SEPTIN11: variants seen among roughly 807,000 people sequenced by gnomAD.
SEPTIN11 encodes the protein septin 11.
In SEPTIN11, 25 loss-of-function variants were observed where a neutral mutation model predicts 51.4. The observed-to-expected ratio is 0.49, with a 90% CI of 0.35 to 0.68. The LOEUF (loss-of-function observed/expected upper bound fraction) is 0.68. Ranked by LOEUF, SEPTIN11 falls within the 30% of genes least tolerant of loss-of-function variation. SEPTIN11 has a pLI of 0.00. For synonymous variants in SEPTIN11, 174 were observed against 184.1 expected (o/e 0.95, Z 0.44); for missense variants, 381 against 520.8 (o/e 0.73, Z 2.61).
chr4:76,985,729 G>A (rs1186299589), intron 1 of SEPTIN11, among the ~76,000 whole-genome samples: 8 of 152,144 alleles, frequency 5.3e-5, no homozygotes, highest in Non-Finnish European at 8.8e-5. Context: ...GGGTTCTCCC[G>A]CGCCTCACTC....
intron 5 of SEPTIN11, among the ~76,000 whole-genome samples, chr4:77,016,591 T>TTATATATGCTA (rs1725251411): frequency 8.1e-6 from 1 of 122,772 alleles, no homozygotes; most frequent in African/African-American, 3.1e-5. Context: ...AGCATATATA[T>TTATATATGCTA]ACACACACAT....
chr4:76,985,851 C>T (rs1247817207), intron 1 of SEPTIN11, among the ~76,000 whole-genome samples: 3 of 152,122 alleles, frequency 2.0e-5, no homozygotes, highest in African/African-American at 7.2e-5. Context: ...AACAACAAGG[C>T]GCTTACAAAT....
At chr4:76,991,058 G>A (rs1232446675) in intron 1 of SEPTIN11, among the ~76,000 whole-genome samples, 1 of 152,012 alleles carries the variant, frequency 6.6e-6, no homozygotes, top group Non-Finnish European at 1.5e-5. Flanking sequence ...TCATATGTCC[G>A]AGAGCCCTGC....
At chr4:76,963,215 T>C (rs1356373837) in intron 1 of SEPTIN11, among the ~76,000 whole-genome samples, 2 of 152,250 alleles carry the variant, frequency 1.3e-5, no homozygotes, top group Non-Finnish European at 2.9e-5. Context: ...AAATATACTT[T>C]TGGAATGTTT....
At chr4:76,999,437 TACTC>T (rs924570616) in intron 2 of SEPTIN11, among the ~76,000 whole-genome samples, 1 of 152,244 alleles carries the variant, frequency 6.6e-6, no homozygotes, top group African/African-American at 2.4e-5. Flanking sequence ...CCTCCTTACT[TACTC>T]CCTTCCTCTT....
At position 77,035,751 on chromosome 4, in the gene SEPTIN11, A is replaced by C. The variant is rs1726981151; in HGVS notation, c.*1239A>C. 2.0e-6 allele frequency: 2 copies of C among 985,816 alleles called. No homozygotes were observed. The highest frequency in any genetic ancestry group is 2.4e-6 in the Non-Finnish European group (2 of 829,966). 61.1% of individuals were successfully genotyped at this position (985,816 alleles called of 1,614,324 possible). A position where few individuals can be genotyped will look rare whatever the true frequency, so the allele number is the denominator to read the frequency against. On this transcript the variant is annotated 3_prime_UTR_variant, in exon 10 of 10. Coordinates refer to ENST00000264893, the MANE Select transcript of SEPTIN11 (RefSeq NM_018243.4). ...TAAGGCCCTTGCCTCATCAGGGATT[A>C]GAACTGGCCCATATGCCAGAACCTG... is the stretch of plus-strand genomic sequence containing the variant.
intron 1 of SEPTIN11, among the ~76,000 whole-genome samples, chr4:76,976,264 T>G (rs969958943): frequency 6.6e-6 from 1 of 152,194 alleles, no homozygotes; most frequent in Non-Finnish European, 1.5e-5. Context: ...AGGACCAGTT[T>G]TTTAAAATAC....
chr4:77,016,641 TATATATATATATATAC>T lies in SEPTIN11; in HGVS notation c.687+1626_687+1641del, dbSNP rs1327591974. Among the ~76,000 whole-genome samples the T allele has an allele frequency of 2.7e-4, 26 of 97,108 alleles. 1 individual carries two copies. The highest frequency in any genetic ancestry group is 3.7e-4 in the South Asian group (1 of 2,722). The allele number at this position is 97,108 out of a possible 152,430, so 63.7% of individuals were successfully genotyped here. A position where few individuals can be genotyped will look rare whatever the true frequency, so the allele number is the denominator to read the frequency against. On this transcript the variant is annotated intron_variant, in intron 5 of 9. Coordinates refer to ENST00000264893, the MANE Select transcript of SEPTIN11 (RefSeq NM_018243.4). ...ATATATATATATATACACATATATA[TATATATATATATATAC>T]ACATATATATATATATATGGCCAGG...
chr4:76,983,926 GA>G (rs779244290), intron 1 of SEPTIN11, among the ~76,000 whole-genome samples: 1 of 152,162 alleles, frequency 6.6e-6, no homozygotes, highest in Non-Finnish European at 1.5e-5. Context: ...AGAATTGCTT[GA>G]ACCCTGGAGG....
At chr4:77,022,524 C>T (rs1011153842) in intron 7 of SEPTIN11, among the ~76,000 whole-genome samples, 7 of 152,126 alleles carry the variant, frequency 4.6e-5, no homozygotes, top group East Asian at 1.9e-4. Flanking sequence ...CCTTGTCGTC[C>T]GAAAGCAGCC....
intron 1 of SEPTIN11, chr4:76,987,825 C>T (rs981895904): frequency 6.1e-6 from 6 of 981,054 alleles, no homozygotes; most frequent in Admixed American, 6.2e-5. Context: ...GGCGTCTGTA[C>T]TACTGAAATA....
chr4:76,980,531 T>C (rs762002974), intron 1 of SEPTIN11, among the ~76,000 whole-genome samples: 2 of 152,144 alleles, frequency 1.3e-5, no homozygotes, highest in Non-Finnish European at 2.9e-5. Context: ...GCAACCTAAG[T>C]GTGTACATTT....
At chr4:77,012,306 T>A (rs1724931250) in intron 4 of SEPTIN11, among the ~76,000 whole-genome samples, 1 of 152,192 alleles carries the variant, frequency 6.6e-6, no homozygotes, top group South Asian at 2.1e-4. Context: ...TCTGTGATGA[T>A]AATGGTCCAG....
At chr4:76,971,803 C>A (rs1722257889) in intron 1 of SEPTIN11, among the ~76,000 whole-genome samples, 1 of 152,158 alleles carries the variant, frequency 6.6e-6, no homozygotes, top group African/African-American at 2.4e-5. Flanking sequence ...AACTTTGGAG[C>A]TATTCATTGA....
At chr4:77,033,425 T>G (rs541244297) in intron 9 of SEPTIN11, among the ~76,000 whole-genome samples, 4 of 152,300 alleles carry the variant, frequency 2.6e-5, no homozygotes, top group African/African-American at 9.6e-5. Context: ...AGTTTTAAAT[T>G]CTCTTTTTTC....
intron 1 of SEPTIN11, among the ~76,000 whole-genome samples, chr4:76,993,628 A>G (rs1302734785): frequency 6.6e-6 from 1 of 152,086 alleles, no homozygotes; most frequent in Non-Finnish European, 1.5e-5. Flanking sequence ...TAAACCAGAG[A>G]AGGAACTTCT....
intron 1 of SEPTIN11, among the ~76,000 whole-genome samples, chr4:76,968,836 T>C (rs1484744903): frequency 1.3e-5 from 2 of 152,358 alleles, no homozygotes; most frequent in East Asian, 3.9e-4. Flanking sequence ...TTCAAGATGG[T>C]AGCTTGAGCA....
chr4:77,025,646 TGTGGTATCTCTA>T (rs1414914923), intron 7 of SEPTIN11, among the ~76,000 whole-genome samples: 1 of 152,146 alleles, frequency 6.6e-6, no homozygotes, highest in Admixed American at 6.5e-5. Flanking sequence ...AGTGAGGGCT[TGTGGTATCTCTA>T]GTGGACAACT....
rs1166351580 is a variant in SEPTIN11, at chr4:76,949,766, G to C, written c.-138G>C. ...CGGCGTGGGGGGAGCAGATGCCGCT[G>C]GCTGCCAGCGGGACGCCGGCGAGCA... On this transcript the variant is annotated 5_prime_UTR_variant, in exon 1 of 10. Coordinates refer to ENST00000264893, the MANE Select transcript of SEPTIN11 (RefSeq NM_018243.4). 1 of 886,446 alleles carries C rather than the reference G, an allele frequency of 1.1e-6. No individual in the cohort carries two copies. The highest frequency in any genetic ancestry group is 1.7e-5 in the South Asian group (1 of 57,618). 54.9% of individuals were successfully genotyped at this position (886,446 alleles called of 1,614,324 possible).
Sources: gnomAD v4.1 joint callset for allele counts (sites outside exome capture counted in the v4.1 genomes callset) on GRCh38, gnomAD v4.1.1 for gene constraint, MANE v1.5 for transcripts, NCBI Gene and HGNC (gene_info 2026-07-23, HGNC 2026-07-21) for gene names.